XKR6: variants seen among roughly 807,000 people sequenced by gnomAD.
The protein encoded by XKR6 is XK related 6.
Under a neutral mutation model 56.7 loss-of-function variants are expected in XKR6, and 22 were observed. That is an observed-to-expected ratio of 0.39 (90% confidence interval 0.28 to 0.55). The LOEUF is 0.55. Among genes scored for constraint, XKR6 ranks in the 20% least tolerant of loss-of-function variants. XKR6 has a pLI of 0.66. For synonymous variants in XKR6, 524 were observed against 387.8 expected, an observed-to-expected ratio of 1.35 and a Z score of -4.13; for missense variants, 852 against 889.0, an observed-to-expected ratio of 0.96 and a Z score of 0.53.
chr8:11,049,978 C>T (rs755509335), intron 1 of XKR6, among the ~76,000 whole-genome samples: 1 of 152,136 alleles, frequency 6.6e-6, no homozygotes, highest in African/African-American at 2.4e-5. Flanking sequence ...CCGGGCCCCT[C>T]GTGAGGAAAT....
chr8:11,024,644 CCTGA>C (rs765460535), intron 1 of XKR6, among the ~76,000 whole-genome samples: 19 of 152,210 alleles, frequency 1.2e-4, no homozygotes, highest in South Asian at 2.1e-4. Context: ...GCCGAATCAC[CCTGA>C]CTATTTTGAG....
At chr8:11,160,928 A>AAAAAAAAAAAAAAAAAAG (rs1801774393) in intron 1 of XKR6, among the ~76,000 whole-genome samples, 1 of 151,244 alleles carries the variant, frequency 6.6e-6, no homozygotes, top group African/African-American at 2.4e-5. Context: ...AAAAAAAAAA[A>AAAAAAAAAAAAAAAAAAG]AAAGAAAAAA....
At chr8:10,951,888 G>A (rs1438523985) in intron 1 of XKR6, among the ~76,000 whole-genome samples, 1 of 152,188 alleles carries the variant, frequency 6.6e-6, no homozygotes, top group Non-Finnish European at 1.5e-5. Flanking sequence ...GCCAGGTCGG[G>A]AAGAGGCCCC....
At chr8:11,025,365 G>T (rs1362860439) in intron 1 of XKR6, among the ~76,000 whole-genome samples, 2 of 152,182 alleles carry the variant, frequency 1.3e-5, no homozygotes, top group Non-Finnish European at 2.9e-5. Context: ...TCTAAGAGGA[G>T]CCGATGCCTT....
chr8:10,925,110 T>A (rs575481036), intron 1 of XKR6, among the ~76,000 whole-genome samples: 1 of 152,120 alleles, frequency 6.6e-6, no homozygotes, highest in South Asian at 2.1e-4. Flanking sequence ...ATCTGGAAGA[T>A]GAGACTGTGG....
intron 1 of XKR6, among the ~76,000 whole-genome samples, chr8:11,153,932 G>A (rs1379915918): frequency 6.6e-6 from 1 of 152,174 alleles, no homozygotes; most frequent in African/African-American, 2.4e-5. Context: ...ACTACTGCAA[G>A]TATTCTTCCT....
intron 1 of XKR6, among the ~76,000 whole-genome samples, chr8:11,029,769 C>A (rs1798950520): frequency 1.3e-5 from 2 of 152,100 alleles, no homozygotes; most frequent in African/African-American, 4.8e-5. Context: ...TTTAGCCAGT[C>A]CCCTGGAACC....
At chr8:11,119,215 T>A (rs1308586759) in intron 1 of XKR6, among the ~76,000 whole-genome samples, 1 of 152,082 alleles carries the variant, frequency 6.6e-6, no homozygotes, top group African/African-American at 2.4e-5. Flanking sequence ...TGCTGAGGAG[T>A]GCTTTACTTC....
chr8:11,193,456 C>T lies in XKR6; in HGVS notation c.764+7120G>A, dbSNP rs191874531. ...TTAGAAATACAGAAATGAAAAATCT[C>T]ATGTAGAATTTTATGTAGAACTATA... On this transcript the variant is annotated intron_variant, in intron 1 of 2. Transcript: ENST00000416569. 2.8e-3 allele frequency among the ~76,000 whole-genome samples: 420 copies of T among 152,232 alleles called. 2 individuals carry two copies. Among genetic ancestry groups the T allele is most frequent in the African/African-American group, 7.1e-3 (297 of 41,552 alleles).
chr8:11,007,689 A>C (rs1252921528), intron 1 of XKR6, among the ~76,000 whole-genome samples: 1 of 151,968 alleles, frequency 6.6e-6, no homozygotes. Context: ...AAAAAAGCAA[A>C]AGGAAATCTA....
intron 1 of XKR6, among the ~76,000 whole-genome samples, chr8:11,181,043 T>C (rs549915240): frequency 6.6e-6 from 1 of 152,338 alleles, no homozygotes; most frequent in East Asian, 1.9e-4. Context: ...AAGTTTGGGA[T>C]GTATTCTATG....
At chr8:11,184,367 TTA>T (rs1238687932) in intron 1 of XKR6, among the ~76,000 whole-genome samples, 2 of 147,100 alleles carry the variant, frequency 1.4e-5, no homozygotes, top group African/African-American at 2.6e-5. Context: ...AATACATATT[TTA>T]TATATATATA....
At chr8:11,062,504 A>T (rs1488183996) in intron 1 of XKR6, 1 of 348,718 alleles carries the variant, frequency 2.9e-6, no homozygotes, top group Admixed American at 4.0e-5. Context: ...GAGGTATTTC[A>T]TTATCACCAT....
chr8:11,045,509 G>C (rs1333499518), intron 1 of XKR6, among the ~76,000 whole-genome samples: 1 of 152,178 alleles, frequency 6.6e-6, no homozygotes, highest in Admixed American at 6.5e-5. Context: ...TGTGTGACTA[G>C]TTATAAAACT....
At chr8:11,085,504 G>A (rs186432332) in intron 1 of XKR6, among the ~76,000 whole-genome samples, 47 of 152,234 alleles carry the variant, frequency 3.1e-4, no homozygotes, top group African/African-American at 4.3e-4. Context: ...TTGTGCATGC[G>A]TGGGCTGCAT....
chr8:11,115,284 A>T (rs190898685), intron 1 of XKR6, among the ~76,000 whole-genome samples: 74 of 152,334 alleles, frequency 4.9e-4, no homozygotes, highest in Middle Eastern at 3.4e-3. Flanking sequence ...CATTTGGAGA[A>T]TGCTGGTGGT....
chr8:11,163,507 T>TC (rs1235174789), intron 1 of XKR6, among the ~76,000 whole-genome samples: 1 of 152,210 alleles, frequency 6.6e-6, no homozygotes, highest in Admixed American at 6.5e-5. Flanking sequence ...TGTAACTATT[T>TC]CCCTGCATCC....
chr8:11,137,849 G>A, intron 1 of XKR6: 3 of 364,180 alleles, frequency 8.2e-6, no homozygotes, highest in South Asian at 6.3e-5. Flanking sequence ...GGCAAATGAG[G>A]AAATAATGGA....
chr8:11,090,149 A>G (rs1789997481), intron 1 of XKR6, among the ~76,000 whole-genome samples: 1 of 152,124 alleles, frequency 6.6e-6, no homozygotes, highest in Admixed American at 6.6e-5. Flanking sequence ...AGTGGTGCAA[A>G]TTATAGCTCA....
Sources: allele counts gnomAD v4.1 joint callset (sites outside exome capture counted in the v4.1 genomes callset), GRCh38; gene constraint gnomAD v4.1.1; transcripts MANE v1.5; gene names NCBI Gene and HGNC (gene_info 2026-07-23, HGNC 2026-07-21).